UBE2E2: variants seen among roughly 807,000 people sequenced by gnomAD.
UBE2E2 encodes ubiquitin-conjugating enzyme E2 E2.
UBE2E2 carries 6 observed loss-of-function variants against 24.7 expected under a neutral mutation model. The ratio of observed to expected loss-of-function variants is 0.24; its 90% CI spans 0.13 to 0.48. The LOEUF is 0.48. Among genes scored for constraint, UBE2E2 ranks in the 20% least tolerant of loss-of-function variants. UBE2E2 has a pLI of 0.99. For missense variants in UBE2E2, 169 were observed against 245.0 expected (o/e 0.69, Z 2.07); for synonymous variants, 104 against 83.6 (o/e 1.24, Z -1.33).
chr3:23,341,887 T>C (rs1026624669), intron 3 of UBE2E2, among the ~76,000 whole-genome samples: 2 of 152,188 alleles, frequency 1.3e-5, no homozygotes, highest in African/African-American at 2.4e-5. Flanking sequence ...TAAACAATTA[T>C]GACAAAACCA....
chr3:23,237,611 C>T (rs1275987414), intron 3 of UBE2E2, among the ~76,000 whole-genome samples: 1 of 152,030 alleles, frequency 6.6e-6, no homozygotes, highest in African/African-American at 2.4e-5. Flanking sequence ...ATACAACACT[C>T]ATTAATTGGG....
At chr3:23,239,715 A>G (rs1266749210) in intron 3 of UBE2E2, among the ~76,000 whole-genome samples, 1 of 152,234 alleles carries the variant, frequency 6.6e-6, no homozygotes, top group African/African-American at 2.4e-5. Flanking sequence ...AACATTGAGT[A>G]TTACATAAGC....
chr3:23,239,902 G>C (rs922121650), intron 3 of UBE2E2, among the ~76,000 whole-genome samples: 2 of 152,174 alleles, frequency 1.3e-5, no homozygotes, highest in South Asian at 2.1e-4. Flanking sequence ...AGATCAGTCA[G>C]CTTTTGCTTA....
intron 3 of UBE2E2, among the ~76,000 whole-genome samples, chr3:23,493,776 G>T (rs1157993783): frequency 7.3e-5 from 11 of 150,916 alleles, no homozygotes; most frequent in Non-Finnish European, 1.0e-4. Flanking sequence ...ATTTTTTTTT[G>T]ATGTACACAT....
chr3:23,288,365 C>G (rs1698675000), intron 3 of UBE2E2, among the ~76,000 whole-genome samples: 1 of 152,092 alleles, frequency 6.6e-6, no homozygotes, highest in African/African-American at 2.4e-5. Context: ...GATTCATGTG[C>G]TGAGGAGAAA....
Position 23,470,411 on chromosome 3 carries a change from T to A in UBE2E2, c.228-29197T>A, listed in dbSNP as rs188554798. On this transcript the variant is annotated intron_variant, in intron 3 of 5. Transcript: ENST00000396703. Reference sequence around the variant, plus strand: ...ATGCCAGAATGTTTGACCTACCAGGTAGGAATCTAACCATATCTTCCTCCA... The same window carrying A: ...ATGCCAGAATGTTTGACCTACCAGGAAGGAATCTAACCATATCTTCCTCCA... Among the ~76,000 whole-genome samples, 6 of 152,332 alleles carry A rather than the reference T, an allele frequency of 3.9e-5. No homozygotes were observed. The East Asian group carries it at 1.2e-3, about 29-fold the overall frequency.
At chr3:23,502,046 G>A (rs1699733179) in intron 4 of UBE2E2, among the ~76,000 whole-genome samples, 1 of 152,148 alleles carries the variant, frequency 6.6e-6, no homozygotes, top group Non-Finnish European at 1.5e-5. Flanking sequence ...GTAGATAGAT[G>A]TGTTACTCGA....
chr3:23,362,771 C>T (rs1252608408), intron 3 of UBE2E2, among the ~76,000 whole-genome samples: 1 of 152,164 alleles, frequency 6.6e-6, no homozygotes, highest in Admixed American at 6.5e-5. Flanking sequence ...TGACCTCACC[C>T]CAACCCTGTC....
chr3:23,414,346 T>A (rs1697573097), intron 3 of UBE2E2, among the ~76,000 whole-genome samples: 1 of 152,160 alleles, frequency 6.6e-6, no homozygotes, highest in African/African-American at 2.4e-5. Context: ...TGCACACTTG[T>A]TAAAGGTCCT....
At chr3:23,479,915 G>A (rs1699221221) in intron 3 of UBE2E2, among the ~76,000 whole-genome samples, 1 of 152,122 alleles carries the variant, frequency 6.6e-6, no homozygotes, top group South Asian at 2.1e-4. Flanking sequence ...TGGGCCTGGA[G>A]AAAGCACCAT....
intron 5 of UBE2E2, among the ~76,000 whole-genome samples, chr3:23,544,754 T>C (rs1156873199): frequency 6.6e-6 from 1 of 151,996 alleles, no homozygotes; most frequent in Non-Finnish European, 1.5e-5. Flanking sequence ...AGACAAAGTA[T>C]AGAGAAAGAA....
intron 3 of UBE2E2, among the ~76,000 whole-genome samples, chr3:23,355,034 G>A (rs890209685): frequency 3.9e-5 from 6 of 151,920 alleles, no homozygotes; most frequent in African/African-American, 1.2e-4. Flanking sequence ...ATACACCATG[G>A]AATACTATGC....
chr3:23,540,307 G>A (rs1695361489), intron 5 of UBE2E2, among the ~76,000 whole-genome samples: 1 of 152,184 alleles, frequency 6.6e-6, no homozygotes, highest in Admixed American at 6.5e-5. Context: ...TAAGTTAGCA[G>A]TGGTGAACTT....
intron 4 of UBE2E2, among the ~76,000 whole-genome samples, chr3:23,504,908 C>CTTTATTTTTTTTTTTTTTTTTTTT (rs1694400616): frequency 1.5e-5 from 1 of 67,214 alleles, no homozygotes; most frequent in Non-Finnish European, 2.9e-5. Context: ...TTCAGACATT[C>CTTTATTTTTTTTTTTTTTTTTTTT]TTTCTTTTTT....
chr3:23,355,244 G>A (rs193129930), intron 3 of UBE2E2, among the ~76,000 whole-genome samples: 1 of 146,812 alleles, frequency 6.8e-6, no homozygotes, highest in Non-Finnish European at 1.5e-5. Context: ...TTGGGGGAGG[G>A]GGGAGGGATA....
chr3:23,501,676 G>A (rs1460658249), intron 4 of UBE2E2, among the ~76,000 whole-genome samples: 1 of 152,112 alleles, frequency 6.6e-6, no homozygotes, highest in Non-Finnish European at 1.5e-5. Context: ...TGGTTGGATG[G>A]GACAAAAATA....
In UBE2E2 at chr3:23,452,218, C is replaced by G. The variant is rs145726300; in HGVS notation, c.228-47390C>G. On this transcript the variant is annotated intron_variant, in intron 3 of 5. Coordinates refer to ENST00000396703, the MANE Select transcript of UBE2E2 (RefSeq NM_152653.4). Reference sequence around the variant, plus strand: ...ATATCCACTGGTGAATTCACACTTTCAACAGCACGATATATCTAGCTACTG... The same window carrying G: ...ATATCCACTGGTGAATTCACACTTTGAACAGCACGATATATCTAGCTACTG... Among the ~76,000 whole-genome samples, 1,193 of 152,276 alleles carry G rather than the reference C, an allele frequency of 7.8e-3. 19 individuals carry two copies. The highest frequency in any genetic ancestry group is 0.027 in the African/African-American group (1,109 of 41,552).
intron 3 of UBE2E2, among the ~76,000 whole-genome samples, chr3:23,246,837 T>A (rs985110879): frequency 5.9e-5 from 9 of 152,228 alleles, no homozygotes; most frequent in African/African-American, 1.9e-4. Context: ...ATATAGTAGG[T>A]ATTTGGTTAT....
intron 3 of UBE2E2, among the ~76,000 whole-genome samples, chr3:23,401,167 A>G (rs1697212784): frequency 6.6e-6 from 1 of 152,218 alleles, no homozygotes; most frequent in African/African-American, 2.4e-5. Context: ...CAGCTAGTGC[A>G]GAAGGCAGGA....
Sources: gnomAD v4.1 joint callset for allele counts (sites outside exome capture counted in the v4.1 genomes callset) on GRCh38, gnomAD v4.1.1 for gene constraint, MANE v1.5 for transcripts, NCBI Gene and HGNC (gene_info 2026-07-23, HGNC 2026-07-21) for gene names.